The following SUGCT variants were observed in gnomAD, a reference collection of about 807,000 sequenced individuals.
SUGCT encodes the protein succinyl-CoA:glutarate-CoA transferase.
Under a neutral mutation model 55.0 loss-of-function variants are expected in SUGCT, and 41 were observed. That is an observed-to-expected ratio of 0.74 (90% confidence interval 0.58 to 0.97). SUGCT has a LOEUF of 0.97. Among genes scored for constraint, SUGCT ranks in the 50% least tolerant of loss-of-function variants. SUGCT has a pLI of 0.00. For synonymous variants in SUGCT, 187 were observed against 200.4 expected, an observed-to-expected ratio of 0.93 and a Z score of 0.56; for missense variants, 568 against 547.8, an observed-to-expected ratio of 1.04 and a Z score of -0.37.
At chr7:40,495,110 C>A (rs1435683580) in intron 11 of SUGCT, among the ~76,000 whole-genome samples, 1 of 151,950 alleles carries the variant, frequency 6.6e-6, no homozygotes, top group Non-Finnish European at 1.5e-5. Context: ...CAGGGTTTCA[C>A]CATTTTGGTC....
At chr7:40,781,639 T>C (rs1013118229) in intron 13 of SUGCT, among the ~76,000 whole-genome samples, 1 of 152,152 alleles carries the variant, frequency 6.6e-6, no homozygotes, top group Non-Finnish European at 1.5e-5. Context: ...TGAGAATGAA[T>C]AGAGTTTTTA....
intron 12 of SUGCT, among the ~76,000 whole-genome samples, chr7:40,552,428 G>A (rs367622019): frequency 2.0e-5 from 3 of 152,014 alleles, no homozygotes; most frequent in Non-Finnish European, 4.4e-5. Context: ...AGCCTGGAGC[G>A]GAGTCCCTGC....
chr7:40,758,461 G>A (rs1467292813), intron 13 of SUGCT, among the ~76,000 whole-genome samples: 6 of 152,086 alleles, frequency 3.9e-5, no homozygotes, highest in African/African-American at 1.2e-4. Context: ...TGTTGGTGGA[G>A]ATAAAGAAAT....
chr7:40,466,452 A>G (rs1042221629), intron 11 of SUGCT, among the ~76,000 whole-genome samples: 2 of 152,306 alleles, frequency 1.3e-5, no homozygotes, highest in African/African-American at 4.8e-5. Flanking sequence ...TGGCCTCGCT[A>G]GTCTGTTCCA....
At chr7:40,149,508 G>A (rs538300214) in intron 1 of SUGCT, among the ~76,000 whole-genome samples, 12 of 152,296 alleles carry the variant, frequency 7.9e-5, no homozygotes, top group Admixed American at 2.6e-4. Context: ...ATACTTTAGG[G>A]CTGGGCGCGG....
chr7:40,322,992 T>TAAAATAAAATAAAATA (rs1322474606), intron 9 of SUGCT, among the ~76,000 whole-genome samples: 1 of 151,936 alleles, frequency 6.6e-6, no homozygotes, highest in East Asian at 1.9e-4. Context: ...TAAAATAAAA[T>TAAAATAAAATAAAATA]AAACTACTAC....
chr7:40,653,008 T>TTGTC (rs1800854071), intron 12 of SUGCT, among the ~76,000 whole-genome samples: 1 of 152,228 alleles, frequency 6.6e-6, no homozygotes, highest in African/African-American at 2.4e-5. Flanking sequence ...TCCTCCCAGT[T>TTGTC]TGTCTTGAAA....
chr7:40,521,412 A>C (rs1243008086), intron 12 of SUGCT, among the ~76,000 whole-genome samples: 1 of 152,078 alleles, frequency 6.6e-6, no homozygotes, highest in Non-Finnish European at 1.5e-5. Flanking sequence ...ATTGGGCTAC[A>C]CAATGGAGGC....
At chr7:40,237,181 T>C (rs562500699) in intron 6 of SUGCT, among the ~76,000 whole-genome samples, 41 of 150,658 alleles carry the variant, frequency 2.7e-4, no homozygotes, top group Non-Finnish European at 4.4e-4. Context: ...CGGTGGCTCA[T>C]GCCTGTAATC....
chr7:40,967,965 C>T, the SUGCT span: 3 of 152,098 alleles, frequency 2.0e-5, no homozygotes, highest in East Asian at 3.9e-4. Flanking sequence ...AAAAGCTAAA[C>T]GTAATACTTA....
chr7:40,878,437 TTGTC>T, the SUGCT span, among the ~76,000 whole-genome samples: 1 of 152,124 alleles, frequency 6.6e-6, no homozygotes, highest in Non-Finnish European at 1.5e-5. Context: ...ACAGGGCTGA[TTGTC>T]TGGTAGGCTT....
intron 12 of SUGCT, among the ~76,000 whole-genome samples, chr7:40,596,099 A>G (rs1372444446): frequency 6.6e-6 from 1 of 152,150 alleles, no homozygotes. Flanking sequence ...AGAGAATCCC[A>G]CAGATGTCTC....
chr7:40,280,091 C>T (rs990358885), intron 8 of SUGCT, among the ~76,000 whole-genome samples: 1 of 152,122 alleles, frequency 6.6e-6, no homozygotes, highest in Admixed American at 6.6e-5. Context: ...AGACAATTTA[C>T]ACCTGATTGG....
At chr7:40,837,912 C>G (rs1261295566) in intron 13 of SUGCT, among the ~76,000 whole-genome samples, 1 of 152,148 alleles carries the variant, frequency 6.6e-6, no homozygotes, top group Non-Finnish European at 1.5e-5. Flanking sequence ...CCAGGCCTGG[C>G]CTATTTTGAG....
the SUGCT span, among the ~76,000 whole-genome samples, chr7:41,007,888 T>A: frequency 3.3e-5 from 5 of 151,124 alleles, no homozygotes; most frequent in Non-Finnish European, 5.9e-5. Flanking sequence ...TTGTGTTCAA[T>A]TGTGCTATGT....
In SUGCT at chr7:40,746,815, C is replaced by CT. The variant is rs201875034; in HGVS notation, c.1090-2618dup. Among the ~76,000 whole-genome samples the CT allele has an allele frequency of 2.5e-3, 374 of 152,298 alleles. 5 individuals are homozygous for CT. The highest frequency in any genetic ancestry group is 0.017 in the East Asian group (89 of 5,182). ...AATTCAGCGTTAATTAATTTCAACACTATCAGTTAAGTTATATTTAGCTAA... is the reference window on the plus strand; with the variant it reads ...AATTCAGCGTTAATTAATTTCAACACTTATCAGTTAAGTTATATTTAGCTAA... On this transcript the variant is annotated intron_variant, in intron 12 of 13. Coordinates refer to ENST00000335693, the MANE Select transcript of SUGCT (RefSeq NM_001193313.2).
the SUGCT span, among the ~76,000 whole-genome samples, chr7:41,008,539 C>T: frequency 6.6e-6 from 1 of 152,198 alleles, no homozygotes; most frequent in East Asian, 1.9e-4. Context: ...ACACTCATGC[C>T]TTGGGAAATT....
chr7:40,750,645 G>C (rs1170151837), intron 13 of SUGCT, among the ~76,000 whole-genome samples: 1 of 152,152 alleles, frequency 6.6e-6, no homozygotes, highest in African/African-American at 2.4e-5. Flanking sequence ...ACTCGCGCAT[G>C]AAAAGAGTAA....
chr7:40,600,649 G>A (rs553484015), intron 12 of SUGCT, among the ~76,000 whole-genome samples: 6 of 151,868 alleles, frequency 4.0e-5, no homozygotes, highest in African/African-American at 1.4e-4. Flanking sequence ...ATGAAAACCA[G>A]AGTAAACCAC....
Sources: gnomAD v4.1 joint callset for allele counts (sites outside exome capture counted in the v4.1 genomes callset) on GRCh38, gnomAD v4.1.1 for gene constraint, MANE v1.5 for transcripts, NCBI Gene and HGNC (gene_info 2026-07-23, HGNC 2026-07-21) for gene names.